Variants in FXYD7 observed in about 807,000 individuals in gnomAD.
FXYD7 encodes FXYD domain containing ion transport regulator 7.
A neutral mutation model predicts 15.3 loss-of-function variants in FXYD7; 7 were observed. The ratio of observed to expected loss-of-function variants is 0.46; its 90% confidence interval spans 0.26 to 0.86. The LOEUF (loss-of-function observed/expected upper bound fraction) is 0.86. Ranked by LOEUF, FXYD7 falls within the 40% of genes least tolerant of loss-of-function variation. The pLI, the probability that FXYD7 is intolerant of heterozygous loss-of-function variation, is 0.16. For missense variants in FXYD7, 78 were observed against 100.6 expected (o/e 0.78, Z 0.96); for synonymous variants, 39 against 39.3 (o/e 0.99, Z 0.03).
chr19:35,151,047 T>C (rs1332017036), intron 2 of FXYD7, among the ~76,000 whole-genome samples: 2 of 151,416 alleles, frequency 1.3e-5, no homozygotes, highest in Admixed American at 1.3e-4. Context: ...GGGAGGAAAG[T>C]AGAGGGTACA....
Position 35,148,678 on chromosome 19 carries a change from TGC to T in FXYD7, c.32-15_32-14del, listed in dbSNP as rs1218597508. 1 of 1,544,806 alleles carries T rather than the reference TGC, an allele frequency of 6.5e-7. No individual in the cohort carries two copies. The highest frequency in any genetic ancestry group is 2.1e-5 in the Admixed American group (1 of 47,000). ...TTTTTTTTTTCTTTCTCTTTTTCTCTGCTTCTTTCCCTCAGCTCCTGAGGAAC... is the reference window on the plus strand; with the variant it reads ...TTTTTTTTTTCTTTCTCTTTTTCTCTTTCTTTCCCTCAGCTCCTGAGGAAC... On this transcript the variant is annotated splice_polypyrimidine_tract_variant and intron_variant, in intron 1 of 5. Coordinates refer to ENST00000270310, the MANE Select transcript of FXYD7 (RefSeq NM_022006.2).
In FXYD7 at chr19:35,154,052, G is replaced by A. The variant is rs1470844783; in HGVS notation, c.*136G>A. The A allele has an allele frequency of 2.7e-6, 2 of 748,416 alleles. No homozygotes were observed. The highest frequency in any genetic ancestry group is 4.5e-6 in the Non-Finnish European group (2 of 447,122). 46.4% of individuals were successfully genotyped at this position (748,416 alleles called of 1,614,324 possible). On this transcript the variant is annotated 3_prime_UTR_variant, in exon 6 of 6. Transcript: ENST00000270310. ...CCGCCCCACCCACCCCAAGGCTGGA[G>A]CCGCTGCACCCTGCTGTCCCTCTCC... is the stretch of plus-strand genomic sequence containing the variant.
At position 35,148,083 on chromosome 19, in the gene FXYD7, GAAAGAAAGAA is replaced by G. The variant is rs1319771038; in HGVS notation, c.32-609_32-600del. ...AGAAAGAAAGAAAGAAAGAAAGAAAGAAAGAAAGAAAGAGAGAGAGAAAGAAAGAGGGGAG... is the reference window on the plus strand; with the variant it reads ...AGAAAGAAAGAAAGAAAGAAAGAAAGAGAGAGAGAGAAAGAAAGAGGGGAG... On this transcript the variant is annotated intron_variant, in intron 1 of 5. Transcript: ENST00000270310. Among the ~76,000 whole-genome samples the G allele has an allele frequency of 1.2e-3, 147 of 123,950 alleles. 1 individual carries two copies. Among genetic ancestry groups the G allele is most frequent in the African/African-American group, 3.9e-3 (130 of 33,244 alleles). The allele number at this position is 123,950 out of a possible 152,430, so 81.3% of individuals were successfully genotyped here. A position where few individuals can be genotyped will look rare whatever the true frequency, so the allele number is the denominator to read the frequency against.
chr19:35,149,919 T>C (rs2065303568), intron 2 of FXYD7, among the ~76,000 whole-genome samples: 1 of 150,784 alleles, frequency 6.6e-6, no homozygotes, highest in Non-Finnish European at 1.5e-5. Context: ...ATGATCGTGA[T>C]TTTTTTTTCT....
Position 35,144,374 on chromosome 19 carries a change from C to T in FXYD7, c.31+1010C>T, listed in dbSNP as rs1230101782. On this transcript the variant is annotated intron_variant, in intron 1 of 5. Transcript: ENST00000270310. Reference sequence around the variant, plus strand: ...CCACACCAATTAACCCAGTTATGCACCCACTTAAACACCCACTTCTACCGT... The same window carrying T: ...CCACACCAATTAACCCAGTTATGCATCCACTTAAACACCCACTTCTACCGT... Among the ~76,000 whole-genome samples, 5 of 152,308 alleles carry T rather than the reference C, an allele frequency of 3.3e-5. No homozygotes were observed. The East Asian group carries it at 9.7e-4, about 29-fold the overall frequency.
chr19:35,145,143 A>G (rs1007813110), intron 1 of FXYD7, among the ~76,000 whole-genome samples: 1 of 152,088 alleles, frequency 6.6e-6, no homozygotes, highest in African/African-American at 2.4e-5. Context: ...TGAAACCTGC[A>G]TCTCACACAG....
At chr19:35,145,290 T>C (rs919069104) in intron 1 of FXYD7, among the ~76,000 whole-genome samples, 3 of 152,162 alleles carry the variant, frequency 2.0e-5, no homozygotes, top group African/African-American at 7.2e-5. Flanking sequence ...TAGTGCACAT[T>C]CCTTTGCCTG....
rs1396913890 is a variant in FXYD7 at position 35,153,939 on chromosome 19, T to C, written c.*23T>C. On this transcript the variant is annotated 3_prime_UTR_variant, in exon 6 of 6. Coordinates refer to ENST00000270310, the MANE Select transcript of FXYD7 (RefSeq NM_022006.2). ...TAACACCTTCCCGAGGAAACTCCGC[T>C]GCCGACCCTGCCTGAGCGCGGGAGC... The C allele has an allele frequency of 1.2e-6, 2 of 1,609,746 alleles. No homozygotes were observed. Among genetic ancestry groups the C allele is most frequent in the Non-Finnish European group, 1.7e-6 (2 of 1,177,622 alleles).
At chr19:35,146,331 G>A (rs2065288839) in intron 1 of FXYD7, among the ~76,000 whole-genome samples, 1 of 152,098 alleles carries the variant, frequency 6.6e-6, no homozygotes, top group Admixed American at 6.6e-5. Context: ...TACAGATGGG[G>A]TTTCACCATA....
At chr19:35,148,321 G>A (rs767571704) in intron 1 of FXYD7, among the ~76,000 whole-genome samples, 8 of 152,162 alleles carry the variant, frequency 5.3e-5, no homozygotes, top group Non-Finnish European at 8.8e-5. Context: ...GTGGAAATGG[G>A]GTCTGTTTTA....
intron 1 of FXYD7, among the ~76,000 whole-genome samples, chr19:35,148,036 A>T (rs915770049): frequency 0.04 from 2,544 of 63,844 alleles, 92 homozygotes; most frequent in East Asian, 0.1. Flanking sequence ...GGAAAGAAAG[A>T]AAGAAAGAAA....
At chr19:35,151,507 G>A (rs945550389) in intron 4 of FXYD7, 25 bp downstream of exon 4, 9 of 1,613,254 alleles carry the variant, frequency 5.6e-6, no homozygotes, top group African/African-American at 1.3e-5. Flanking sequence ...GGCAAAGAGC[G>A]GGAGGGGGCC....
chr19:35,147,462 G>C (rs2065292496), intron 1 of FXYD7, among the ~76,000 whole-genome samples: 1 of 152,190 alleles, frequency 6.6e-6, no homozygotes, highest in South Asian at 2.1e-4. Context: ...GATGTTCTGA[G>C]CTCTCCTGCA....
At chr19:35,144,099 C>T (rs1200252867) in intron 1 of FXYD7, among the ~76,000 whole-genome samples, 1 of 151,782 alleles carries the variant, frequency 6.6e-6, no homozygotes. Context: ...ATTGAGACCG[C>T]TATGGAGAGA....
intron 5 of FXYD7, among the ~76,000 whole-genome samples, chr19:35,152,956 A>T (rs956151972): frequency 2.6e-5 from 3 of 114,374 alleles, no homozygotes; most frequent in Non-Finnish European, 5.4e-5. Flanking sequence ...AAAAAAAAAA[A>T]AAAAAAAAAA....
At chr19:35,153,033 C>CTTTGTTTTTTTTGT (rs1555737607) in intron 5 of FXYD7, among the ~76,000 whole-genome samples, 2 of 44,142 alleles carry the variant, frequency 4.5e-5, no homozygotes, top group Admixed American at 3.4e-4. Flanking sequence ...TTTCACGTTC[C>CTTTGTTTTTTTTGT]TTTTTTTTTT....
chr19:35,145,047 C>G (rs1167996054), intron 1 of FXYD7, among the ~76,000 whole-genome samples: 1 of 152,104 alleles, frequency 6.6e-6, no homozygotes, highest in African/African-American at 2.4e-5. Context: ...GGGTCCCTAT[C>G]CCTGAAATGG....
chr19:35,149,447 C>T, intron 2 of FXYD7: 1 of 181,362 alleles, frequency 5.5e-6, no homozygotes, highest in Non-Finnish European at 1.2e-5. Context: ...ATAGGCCCTC[C>T]TGACTCCCTG....
chr19:35,153,274 G>A (rs1212867333), intron 5 of FXYD7, among the ~76,000 whole-genome samples: 2 of 151,972 alleles, frequency 1.3e-5, no homozygotes, highest in South Asian at 4.1e-4. Flanking sequence ...TGGCCAGGCT[G>A]GTCTCAAACT....
Sources: allele counts gnomAD v4.1 joint callset (sites outside exome capture counted in the v4.1 genomes callset), GRCh38; gene constraint gnomAD v4.1.1; transcripts MANE v1.5; gene names NCBI Gene and HGNC (gene_info 2026-07-23, HGNC 2026-07-21).